The following CLDN16 variants were observed in gnomAD, a reference collection of about 807,000 sequenced individuals.
The protein encoded by CLDN16 is claudin-16.
Under a neutral mutation model 24.6 loss-of-function variants are expected in CLDN16, and 13 were observed. The observed-to-expected ratio is 0.53, with a 90% confidence interval of 0.34 to 0.84. The LOEUF (loss-of-function observed/expected upper bound fraction) is 0.84, where lower values mean the gene tolerates loss of function less well. Among genes scored for constraint, CLDN16 ranks in the 40% least tolerant of loss-of-function variants. The pLI is 0.01. For synonymous variants in CLDN16, 116 were observed against 106.7 expected (o/e 1.09, Z -0.54); for missense variants, 298 against 292.7 (o/e 1.02, Z -0.13).
intron 1 of CLDN16, among the ~76,000 whole-genome samples, chr3:190,354,360 G>A (rs1717725022): frequency 6.6e-6 from 1 of 151,992 alleles, no homozygotes; most frequent in African/African-American, 2.4e-5. Flanking sequence ...TCATTTCCTG[G>A]TGTGCCTACC....
At chr3:190,394,989 G>T (rs1415054741) in intron 1 of CLDN16, among the ~76,000 whole-genome samples, 2 of 151,854 alleles carry the variant, frequency 1.3e-5, no homozygotes, top group African/African-American at 2.4e-5. Flanking sequence ...GAGAAATAAA[G>T]AAAACAGAGA....
chr3:190,347,864 C>T (rs978722849), intron 1 of CLDN16, among the ~76,000 whole-genome samples: 1 of 151,880 alleles, frequency 6.6e-6, no homozygotes, highest in African/African-American at 2.4e-5. Context: ...CAGTGATGAT[C>T]TTGTAGTTTG....
At chr3:190,312,740 A>C in the CLDN16 span, 1 of 959,908 alleles carries the variant, frequency 1.0e-6, no homozygotes, top group Non-Finnish European at 1.7e-6. Flanking sequence ...CATGAAAGTC[A>C]ACTGGACTTC....
chr3:190,352,415 G>A (rs1207100030), intron 1 of CLDN16, among the ~76,000 whole-genome samples: 3 of 152,060 alleles, frequency 2.0e-5, no homozygotes, highest in African/African-American at 7.2e-5. Context: ...AAAGCAGAAG[G>A]ATAAACAAGA....
At chr3:190,322,532 CG>C, upstream of CLDN16, 2 of 299,776 alleles carry the variant, frequency 6.7e-6, no homozygotes, top group South Asian at 4.1e-5. Context: ...GGTTTCAGGG[CG>C]GCTCACCGAG....
At chr3:190,395,250 T>C (rs1216716869) in intron 1 of CLDN16, among the ~76,000 whole-genome samples, 1 of 152,126 alleles carries the variant, frequency 6.6e-6, no homozygotes, top group East Asian at 1.9e-4. Context: ...TTATGATTTA[T>C]ACCTTTAGCC....
At chr3:190,316,036 C>A in the CLDN16 span, among the ~76,000 whole-genome samples, 1 of 152,172 alleles carries the variant, frequency 6.6e-6, no homozygotes, top group African/African-American at 2.4e-5. Context: ...ATCTATCTTG[C>A]CACTTCATCT....
the CLDN16 span, among the ~76,000 whole-genome samples, chr3:190,302,380 A>T: frequency 6.6e-6 from 1 of 152,184 alleles, no homozygotes; most frequent in Non-Finnish European, 1.5e-5. Flanking sequence ...GAAGAAAGGA[A>T]TTTTTGTCTA....
At chr3:190,363,916 C>G (rs1219111813) in intron 1 of CLDN16, among the ~76,000 whole-genome samples, 1 of 75,552 alleles carries the variant, frequency 1.3e-5, no homozygotes, top group African/African-American at 4.2e-5. Flanking sequence ...TGTGTATATT[C>G]TTACCAGGAA....
chr3:190,379,985 C>T (rs73192449), intron 3 of CLDN16, among the ~76,000 whole-genome samples: 10 of 99,776 alleles, frequency 1.0e-4, no homozygotes, highest in South Asian at 3.1e-4. Context: ...GTCTATCTAT[C>T]TATCTATCTA....
chr3:190,348,293 A>G (rs1667807464), intron 1 of CLDN16, among the ~76,000 whole-genome samples: 2 of 150,218 alleles, frequency 1.3e-5, no homozygotes, highest in African/African-American at 4.9e-5. Context: ...AAAAAAAAAA[A>G]AAAGATGAGA....
the CLDN16 span, among the ~76,000 whole-genome samples, chr3:190,303,080 TAA>T: frequency 6.6e-6 from 1 of 152,122 alleles, no homozygotes; most frequent in South Asian, 2.1e-4. Flanking sequence ...TCTTCATTAA[TAA>T]GTTTTAATTT....
At chr3:190,365,459 T>C (rs1718000865) in intron 1 of CLDN16, among the ~76,000 whole-genome samples, 1 of 150,968 alleles carries the variant, frequency 6.6e-6, no homozygotes, top group South Asian at 2.1e-4. Context: ...CATTTTGCTA[T>C]GCACACTTCT....
intron 3 of CLDN16, among the ~76,000 whole-genome samples, chr3:190,406,221 C>T (rs1199676478): frequency 6.6e-6 from 1 of 152,146 alleles, no homozygotes; most frequent in Non-Finnish European, 1.5e-5. Context: ...TGACTTTTGA[C>T]ACAGAAATGT....
At chr3:190,379,269 G>T (rs1455900113) in intron 3 of CLDN16, among the ~76,000 whole-genome samples, 1 of 152,128 alleles carries the variant, frequency 6.6e-6, no homozygotes, top group South Asian at 2.1e-4. Flanking sequence ...TTAGCCTCTT[G>T]AATGTAAAAT....
chr3:190,295,916 A>G, the CLDN16 span, among the ~76,000 whole-genome samples: 22 of 152,146 alleles, frequency 1.4e-4, no homozygotes, highest in African/African-American at 4.8e-4. Context: ...TTTCTTCTCC[A>G]GCCTCAGTTC....
At chr3:190,375,672 T>G (rs1313872806) in intron 3 of CLDN16, among the ~76,000 whole-genome samples, 1 of 151,986 alleles carries the variant, frequency 6.6e-6, no homozygotes, top group Non-Finnish European at 1.5e-5. Flanking sequence ...AAACATTTAC[T>G]GTTGATCCCA....
the CLDN16 span, among the ~76,000 whole-genome samples, chr3:190,299,670 T>C: frequency 1.6e-4 from 24 of 152,188 alleles, no homozygotes; most frequent in African/African-American, 5.8e-4. Context: ...ACAGCATGTA[T>C]TGAAGCATCC....
At chr3:190,395,605 T>C (rs1718798866) in intron 1 of CLDN16, among the ~76,000 whole-genome samples, 1 of 152,042 alleles carries the variant, frequency 6.6e-6, no homozygotes. Context: ...TAAATATAAG[T>C]AAGTACTAAG....
Sources: gnomAD v4.1 joint callset for allele counts (sites outside exome capture counted in the v4.1 genomes callset) on GRCh38, gnomAD v4.1.1 for gene constraint, MANE v1.5 for transcripts, NCBI Gene and HGNC (gene_info 2026-07-23, HGNC 2026-07-21) for gene names.